The following FGF13 variants were observed in gnomAD, a reference collection of about 807,000 sequenced individuals.
FGF13 encodes fibroblast growth factor 13.
In FGF13, 2 loss-of-function variants were observed where a neutral mutation model predicts 19.5. That is an observed-to-expected ratio of 0.10 (90% CI 0.04 to 0.32). The LOEUF (loss-of-function observed/expected upper bound fraction) is 0.32, where lower values mean the gene tolerates loss of function less well. Ranked by LOEUF, FGF13 falls within the 10% of genes least tolerant of loss-of-function variation. The probability of loss-of-function intolerance (pLI) is 1.00; values close to 1 mark genes in which losing one functional copy is unlikely to be tolerated. For missense variants in FGF13, 113 were observed against 192.7 expected (o/e 0.59, Z 2.45); for synonymous variants, 72 against 76.9 (o/e 0.94, Z 0.33).
intron 1 of FGF13, among the ~76,000 whole-genome samples, chrX:139,068,253 C>T (rs1390613842): frequency 1.0e-5 from 1 of 96,057 alleles, no homozygotes; most frequent in African/African-American, 4.6e-5. Context: ...ATCCTTTCCC[C>T]GTTGCTTGTT....
chrX:138,770,617 A>T (rs2090538216), intron 3 of FGF13, among the ~76,000 whole-genome samples: 1 of 111,495 alleles, frequency 9.0e-6, no homozygotes, highest in Non-Finnish European at 1.9e-5. Flanking sequence ...ACGTTTTTAA[A>T]TGATTTCTTT....
At chrX:139,157,524 C>G (rs901021026) in intron 1 of FGF13, among the ~76,000 whole-genome samples, 2 of 112,160 alleles carry the variant, frequency 1.8e-5, no homozygotes, top group Admixed American at 1.9e-4. Context: ...CTTGTTCTTC[C>G]CTTCTTAACA....
chrX:139,191,983 AGAGCC>A (rs1182208573), intron 1 of FGF13, among the ~76,000 whole-genome samples: 1 of 111,851 alleles, frequency 8.9e-6, no homozygotes, highest in Non-Finnish European at 1.9e-5. Context: ...CCTCTCTGCG[AGAGCC>A]GAGGCTTTGA....
At chrX:138,842,150 G>A (rs1057475198) in intron 3 of FGF13, among the ~76,000 whole-genome samples, 1 of 112,029 alleles carries the variant, frequency 8.9e-6, no homozygotes, top group Non-Finnish European at 1.9e-5. Context: ...AGATTTTTCT[G>A]AATGAGCTTA....
At chrX:139,108,507 C>T (rs994430616) in intron 1 of FGF13, among the ~76,000 whole-genome samples, 2 of 111,304 alleles carry the variant, frequency 1.8e-5, no homozygotes, top group Non-Finnish European at 3.8e-5. Flanking sequence ...AAAAGTCATA[C>T]AAGCCCATGA....
intron 3 of FGF13, among the ~76,000 whole-genome samples, chrX:138,697,574 C>T (rs2089907593): frequency 9.0e-6 from 1 of 110,599 alleles, no homozygotes; most frequent in South Asian, 3.9e-4. Context: ...AGGATTTCTA[C>T]TTGTCTATAC....
At chrX:138,995,525 C>T (rs1372477495) in intron 1 of FGF13, among the ~76,000 whole-genome samples, 1 of 111,664 alleles carries the variant, frequency 9.0e-6, no homozygotes, top group Non-Finnish European at 1.9e-5. Context: ...TATCTTCTTA[C>T]CATTTAGTTC....
intron 3 of FGF13, among the ~76,000 whole-genome samples, chrX:138,786,597 C>T (rs1351689177): frequency 9.0e-6 from 1 of 111,536 alleles, no homozygotes; most frequent in Non-Finnish European, 1.9e-5. Flanking sequence ...TGTCAGAATT[C>T]CCCCACCCAT....
At chrX:139,106,444 C>T (rs2083560789) in intron 1 of FGF13, among the ~76,000 whole-genome samples, 1 of 112,075 alleles carries the variant, frequency 8.9e-6, no homozygotes. Flanking sequence ...TTGGGCTTTG[C>T]TTGCAGGAGC....
chrX:138,636,002 T>C (rs17510256), intron 3 of FGF13, among the ~76,000 whole-genome samples: 1,555 of 112,190 alleles, frequency 0.014, 25 homozygotes, highest in African/African-American at 0.048. Context: ...CACATGGAGC[T>C]TTGTTCCCTT....
Position 138,737,504 on chromosome X carries a change from C to A in FGF13, c.28+1738G>T, listed in dbSNP as rs189112105. The stretch of plus-strand genomic sequence containing the variant: ...TTCTGCAAAGGGGCTCAGTTTCCCA[C>A]AAACATACATTTATTAAAAATGGAC... On this transcript the variant is annotated intron_variant, in intron 1 of 4. Coordinates refer to the FGF13 transcript ENST00000305414. 4.7e-3 allele frequency among the ~76,000 whole-genome samples: 524 copies of A among 111,834 alleles called. 1 individual carries two copies. Among genetic ancestry groups the A allele is most frequent in the Non-Finnish European group, 8.3e-3 (442 of 53,205 alleles).
intron 3 of FGF13, among the ~76,000 whole-genome samples, chrX:138,776,367 G>C (rs956568696): frequency 4.5e-5 from 5 of 112,072 alleles, no homozygotes; most frequent in South Asian, 3.7e-4. Flanking sequence ...AGAACCTTAC[G>C]AGATATTTTT....
At chrX:138,723,162 G>A (rs2090159177) in intron 1 of FGF13, among the ~76,000 whole-genome samples, 1 of 111,338 alleles carries the variant, frequency 9.0e-6, no homozygotes, top group African/African-American at 3.3e-5. Flanking sequence ...TCAGAGGGAT[G>A]GATTGTATAT....
At chrX:138,736,983 G>A (rs962074323) in intron 1 of FGF13, among the ~76,000 whole-genome samples, 2 of 111,395 alleles carry the variant, frequency 1.8e-5, no homozygotes, top group African/African-American at 6.5e-5. Flanking sequence ...GCTAAATAAG[G>A]TAGGTTAAAA....
chrX:138,651,124 T>C (rs1229565488), intron 3 of FGF13, among the ~76,000 whole-genome samples: 2 of 112,178 alleles, frequency 1.8e-5, no homozygotes, highest in East Asian at 5.6e-4. Context: ...GAGTAAACAC[T>C]AACAGAGTTT....
chrX:139,194,349 C>T (rs2084355271), intron 1 of FGF13, among the ~76,000 whole-genome samples: 1 of 111,853 alleles, frequency 8.9e-6, no homozygotes, highest in East Asian at 2.8e-4. Context: ...ATTTTCTTCT[C>T]TACGCTTTTA....
At chrX:138,710,628 A>G (rs1184696883) in intron 1 of FGF13, among the ~76,000 whole-genome samples, 189 bp downstream of exon 1, 2 of 112,581 alleles carry the variant, frequency 1.8e-5, no homozygotes, top group Admixed American at 9.3e-5. Context: ...GGGCAGTTGC[A>G]ATGCAGCAAG....
intron 2 of FGF13, among the ~76,000 whole-genome samples, chrX:138,864,129 G>A (rs900466457): frequency 8.9e-6 from 1 of 112,019 alleles, no homozygotes; most frequent in African/African-American, 3.2e-5. Context: ...AGGCAAAATT[G>A]CCTTATTTGA....
At chrX:138,877,581 A>G (rs1238948603) in intron 1 of FGF13, among the ~76,000 whole-genome samples, 4 of 112,051 alleles carry the variant, frequency 3.6e-5, no homozygotes, top group Non-Finnish European at 7.5e-5. Flanking sequence ...TAACCATTAA[A>G]CAACAACTTT....
Sources: allele counts gnomAD v4.1 joint callset (sites outside exome capture counted in the v4.1 genomes callset), GRCh38; gene constraint gnomAD v4.1.1; transcripts MANE v1.5; gene names NCBI Gene and HGNC (gene_info 2026-07-23, HGNC 2026-07-21).